DOCK3: variants seen among roughly 807,000 people sequenced by gnomAD.
The protein encoded by DOCK3 is dedicator of cytokinesis 3, also known as dedicator of cytokinesis protein 3.
In DOCK3, 60 loss-of-function variants were observed where a neutral mutation model predicts 265.6. That is an observed-to-expected ratio of 0.23 (90% confidence interval 0.18 to 0.28). The LOEUF is 0.28. DOCK3 is among the 10% of genes least tolerant of loss of function. The pLI is 1.00. For missense variants in DOCK3, 1,981 were observed against 2,594.3 expected, an observed-to-expected ratio of 0.76 and a Z score of 5.14; for synonymous variants, 881 against 938.0, an observed-to-expected ratio of 0.94 and a Z score of 1.11.
chr3:51,178,003 A>G (rs1180975712), intron 12 of DOCK3, among the ~76,000 whole-genome samples: 2 of 43,922 alleles, frequency 4.6e-5, no homozygotes, highest in African/African-American at 6.6e-5. Flanking sequence ...AAAACAAAAA[A>G]CAAACAAAAA....
chr3:50,895,344 C>T (rs1391117632), intron 4 of DOCK3, among the ~76,000 whole-genome samples: 1 of 148,030 alleles, frequency 6.8e-6, no homozygotes, highest in African/African-American at 2.5e-5. Context: ...GCACAGATCA[C>T]CCATCACCTA....
chr3:50,775,442 T>C (rs1376739173), intron 1 of DOCK3, among the ~76,000 whole-genome samples: 2 of 151,616 alleles, frequency 1.3e-5, no homozygotes. Context: ...TTTTAATGTT[T>C]TGATTGCTGA....
At chr3:51,307,115 C>T (rs976361214) in intron 27 of DOCK3, among the ~76,000 whole-genome samples, 3 of 151,966 alleles carry the variant, frequency 2.0e-5, no homozygotes, top group Non-Finnish European at 4.4e-5. Flanking sequence ...CATTATTGGA[C>T]TCATTGCTTT....
intron 3 of DOCK3, among the ~76,000 whole-genome samples, chr3:50,853,298 G>GT (rs112948729): frequency 0.013 from 1,905 of 144,182 alleles, 23 homozygotes; most frequent in Non-Finnish European, 0.022. Flanking sequence ...TCCTGTGACT[G>GT]TTTTTTTTTT....
At chr3:50,970,950 G>T (rs1167087371) in intron 5 of DOCK3, among the ~76,000 whole-genome samples, 1 of 30,954 alleles carries the variant, frequency 3.2e-5, no homozygotes, top group Non-Finnish European at 6.5e-5. Context: ...TATATATAAT[G>T]TGTGTGTGTG....
chr3:51,244,735 G>A (rs1417014179), intron 21 of DOCK3, among the ~76,000 whole-genome samples: 2 of 152,314 alleles, frequency 1.3e-5, no homozygotes, highest in East Asian at 1.9e-4. Flanking sequence ...AGTGTCAAAA[G>A]TGAGGATTCT....
At chr3:51,321,259 C>G (rs907792846) in intron 32 of DOCK3, among the ~76,000 whole-genome samples, 1 of 152,138 alleles carries the variant, frequency 6.6e-6, no homozygotes, top group East Asian at 1.9e-4. Flanking sequence ...GAAAAACTAA[C>G]AAACAGAAAG....
At chr3:51,157,901 G>A (rs549317660) in intron 10 of DOCK3, among the ~76,000 whole-genome samples, 2 of 151,020 alleles carry the variant, frequency 1.3e-5, no homozygotes, top group African/African-American at 4.9e-5. Context: ...TGCCTCCCGG[G>A]TTCATGCCAT....
chr3:51,227,195 G>C (rs2090364329), intron 15 of DOCK3, 88 bp from the exon 16 acceptor site: 3 of 1,488,106 alleles, frequency 2.0e-6, no homozygotes, highest in Non-Finnish European at 2.7e-6. Flanking sequence ...GAGACCTTTA[G>C]ACAAGAGAAA....
intron 4 of DOCK3, among the ~76,000 whole-genome samples, chr3:50,911,668 A>G (rs2049859200): frequency 6.6e-6 from 1 of 151,610 alleles, no homozygotes; most frequent in Non-Finnish European, 1.5e-5. Context: ...AGATTTTAGG[A>G]TTTTTCTATT....
intron 2 of DOCK3, among the ~76,000 whole-genome samples, chr3:50,781,440 T>C (rs1231026286): frequency 6.6e-6 from 1 of 151,902 alleles, no homozygotes; most frequent in East Asian, 1.9e-4. Flanking sequence ...GGCTAAGTTT[T>C]GTATTTTTTG....
At chr3:51,171,006 G>A (rs1019119988) in intron 12 of DOCK3, among the ~76,000 whole-genome samples, 10 of 149,972 alleles carry the variant, frequency 6.7e-5, no homozygotes, top group Non-Finnish European at 1.0e-4. Context: ...AACTGTTAAC[G>A]ATGTTTATCT....
chr3:50,913,533 C>T (rs1267648454), intron 4 of DOCK3, among the ~76,000 whole-genome samples: 1 of 152,028 alleles, frequency 6.6e-6, no homozygotes, highest in Non-Finnish European at 1.5e-5. Flanking sequence ...ATAGGAGTTT[C>T]AGTACTTGTG....
At position 51,374,372 on chromosome 3, in the gene DOCK3, A is replaced by G; in HGVS notation, c.5294-97A>G. The G allele has an allele frequency of 8.9e-7, 1 of 1,118,876 alleles. No individual in the cohort carries two copies. Among genetic ancestry groups the G allele is most frequent in the Non-Finnish European group, 1.3e-6 (1 of 758,126 alleles). The allele number at this position is 1,118,876 out of a possible 1,614,324, so 69.3% of individuals were successfully genotyped here. On this transcript the variant is annotated intron_variant, in intron 49 of 52. Coordinates refer to ENST00000266037, the MANE Select transcript of DOCK3 (RefSeq NM_004947.5). The surrounding 1 kb of genome is among the most constrained non-coding windows in gnomAD (Gnocchi z 4.8). ...TTCATCCTCACCCTAACTGTAAGGGACACCTACCCTGGTTCCCTAGTCCTG... is the reference window on the plus strand; with the variant it reads ...TTCATCCTCACCCTAACTGTAAGGGGCACCTACCCTGGTTCCCTAGTCCTG...
chr3:51,371,092 AG>A (rs2110490795), intron 49 of DOCK3, among the ~76,000 whole-genome samples: 1 of 152,294 alleles, frequency 6.6e-6, no homozygotes, highest in South Asian at 2.1e-4. Context: ...CCACGTTTCT[AG>A]TCTCCTCAAG....
intron 30 of DOCK3, 106 bp downstream of exon 30, chr3:51,312,682 C>T: frequency 3.1e-6 from 4 of 1,272,496 alleles, no homozygotes; most frequent in African/African-American, 1.5e-5. Flanking sequence ...TGGGTGGTTT[C>T]CCAGGGGCCC....
intron 2 of DOCK3, among the ~76,000 whole-genome samples, chr3:50,819,667 A>G (rs1166858521): frequency 6.6e-6 from 1 of 152,238 alleles, no homozygotes; most frequent in Non-Finnish European, 1.5e-5. Context: ...GACAGTTTAT[A>G]AAGGCCATGG....
chr3:50,904,083 A>AGG (rs1264600763), intron 4 of DOCK3, among the ~76,000 whole-genome samples: 3 of 151,352 alleles, frequency 2.0e-5, no homozygotes, highest in Non-Finnish European at 4.4e-5. Flanking sequence ...GTCCCTACAA[A>AGG]ACATGAACTC....
chr3:50,712,758 C>G (rs550025173), intron 1 of DOCK3, among the ~76,000 whole-genome samples: 3 of 152,126 alleles, frequency 2.0e-5, no homozygotes, highest in South Asian at 4.2e-4. Context: ...GTTTAATTTC[C>G]ACATATTTGT....
Sources: gnomAD v4.1 joint callset for allele counts (sites outside exome capture counted in the v4.1 genomes callset) on GRCh38, gnomAD v4.1.1 for gene constraint, Gnocchi (gnomAD v3.1) non-coding constraint, MANE v1.5 for transcripts, NCBI Gene and HGNC (gene_info 2026-07-23, HGNC 2026-07-21) for gene names.